Variants in MAGI2 observed in about 807,000 individuals in gnomAD.
MAGI2 encodes the protein membrane-associated guanylate kinase, WW and PDZ domain-containing protein 2.
MAGI2 carries 35 observed loss-of-function variants against 133.3 expected under a neutral mutation model. That is an observed-to-expected ratio of 0.26 (90% CI 0.20 to 0.35). MAGI2 has a LOEUF of 0.35. Among genes scored for constraint, MAGI2 ranks in the 10% least tolerant of loss-of-function variants. The pLI, the probability that MAGI2 is intolerant of heterozygous loss-of-function variation, is 1.00. For synonymous variants in MAGI2, 729 were observed against 710.6 expected, an observed-to-expected ratio of 1.03 and a Z score of -0.41; for missense variants, 1,636 against 1,863.4, an observed-to-expected ratio of 0.88 and a Z score of 2.25.
intron 1 of MAGI2, among the ~76,000 whole-genome samples, chr7:79,136,005 G>A (rs868523717): frequency 3.6e-4 from 30 of 82,418 alleles, no homozygotes; most frequent in African/African-American, 1.5e-3. Context: ...GAAAGAAAGA[G>A]AAAGAAAGAA....
At chr7:79,393,390 G>A (rs1370226647) in intron 1 of MAGI2, among the ~76,000 whole-genome samples, 2 of 152,086 alleles carry the variant, frequency 1.3e-5, no homozygotes. Context: ...TTCATGCAGT[G>A]ATTCATCTGA....
At chr7:79,452,093 G>T (rs527522665) in intron 1 of MAGI2, among the ~76,000 whole-genome samples, 3 of 152,054 alleles carry the variant, frequency 2.0e-5, no homozygotes, top group African/African-American at 7.2e-5. Flanking sequence ...GGCTGGAACC[G>T]GCCAGGGTTT....
At chr7:78,912,005 C>A (rs1049949780) in intron 2 of MAGI2, among the ~76,000 whole-genome samples, 2 of 152,072 alleles carry the variant, frequency 1.3e-5, no homozygotes, top group Admixed American at 6.6e-5. Context: ...CCTTAGCAAA[C>A]TAATGCAGCA....
At chr7:78,246,019 C>T (rs565611230) in intron 10 of MAGI2, among the ~76,000 whole-genome samples, 2 of 152,250 alleles carry the variant, frequency 1.3e-5, no homozygotes, top group South Asian at 4.1e-4. Context: ...GGAGCTGCTA[C>T]CATACCCTAC....
intron 2 of MAGI2, among the ~76,000 whole-genome samples, chr7:78,874,682 ATAGT>A (rs1795285299): frequency 1.3e-5 from 2 of 152,178 alleles, no homozygotes; most frequent in Admixed American, 6.5e-5. Flanking sequence ...GTATCAAATG[ATAGT>A]TAGATAAGAG....
At chr7:78,938,086 G>T (rs1051084338) in intron 2 of MAGI2, among the ~76,000 whole-genome samples, 1 of 152,056 alleles carries the variant, frequency 6.6e-6, no homozygotes, top group Admixed American at 6.6e-5. Context: ...TCTAGAGATG[G>T]TGATGATATT....
intron 7 of MAGI2, among the ~76,000 whole-genome samples, chr7:78,351,176 T>C (rs1164922687): frequency 6.6e-6 from 1 of 152,064 alleles, no homozygotes; most frequent in Non-Finnish European, 1.5e-5. Flanking sequence ...GGAAAGAGGA[T>C]ATATCTCACT....
chr7:78,206,783 T>C (rs1787146499), intron 10 of MAGI2, among the ~76,000 whole-genome samples: 1 of 152,248 alleles, frequency 6.6e-6, no homozygotes, highest in Admixed American at 6.5e-5. Context: ...ATGTATTTCA[T>C]AGGGGATTCT....
chr7:79,320,677 A>G (rs776306879), intron 1 of MAGI2, among the ~76,000 whole-genome samples: 1 of 152,132 alleles, frequency 6.6e-6, no homozygotes, highest in Non-Finnish European at 1.5e-5. Context: ...TTTTGCATAG[A>G]TATTTTGGAA....
chr7:78,075,597 C>T lies in MAGI2; in HGVS notation c.3706+3350G>A, dbSNP rs551088413. Among the ~76,000 whole-genome samples, 137 of 152,070 alleles carry T rather than the reference C, an allele frequency of 9.0e-4. 1 individual carries two copies. The highest frequency in any genetic ancestry group is 3.1e-3 in the African/African-American group (128 of 41,484). ...TTCACCGTGTTAGCCAGGATGGTCT[C>T]GATCTCCTGACCTCGTGATCTGCCC... On this transcript the variant is annotated intron_variant, in intron 21 of 21. Coordinates refer to ENST00000354212, the MANE Select transcript of MAGI2 (RefSeq NM_012301.4).
intron 3 of MAGI2, among the ~76,000 whole-genome samples, chr7:78,555,432 T>C (rs1441828248): frequency 1.3e-5 from 2 of 152,114 alleles, no homozygotes; most frequent in African/African-American, 4.8e-5. Flanking sequence ...ATATGAGATA[T>C]ATGGACACAT....
At chr7:78,902,176 A>G (rs1220297222) in intron 2 of MAGI2, among the ~76,000 whole-genome samples, 1 of 152,148 alleles carries the variant, frequency 6.6e-6, no homozygotes, top group Non-Finnish European at 1.5e-5. Context: ...AAAAAGCTAT[A>G]CTACTTGCTC....
intron 6 of MAGI2, among the ~76,000 whole-genome samples, chr7:78,404,460 C>G (rs1305696319): frequency 6.6e-6 from 1 of 152,032 alleles, no homozygotes; most frequent in Non-Finnish European, 1.5e-5. Flanking sequence ...GGTACTGGTA[C>G]CAAAACAGAC....
chr7:79,064,995 C>T (rs1554347596), intron 1 of MAGI2, among the ~76,000 whole-genome samples: 1 of 152,010 alleles, frequency 6.6e-6, no homozygotes, highest in Non-Finnish European at 1.5e-5. Flanking sequence ...AACCTGGTCT[C>T]CAAACAAACT....
chr7:79,073,002 T>C (rs1423341550), intron 1 of MAGI2, among the ~76,000 whole-genome samples: 3 of 152,072 alleles, frequency 2.0e-5, no homozygotes, highest in Non-Finnish European at 4.4e-5. Flanking sequence ...CAGATTTCTT[T>C]TCTGTAGGAG....
chr7:78,894,362 T>C (rs1447228331), intron 2 of MAGI2, among the ~76,000 whole-genome samples: 1 of 152,030 alleles, frequency 6.6e-6, no homozygotes, highest in Non-Finnish European at 1.5e-5. Context: ...AGATCGCACA[T>C]GGGCGACAAA....
At chr7:78,703,758 G>C (rs1046387731) in intron 2 of MAGI2, among the ~76,000 whole-genome samples, 4 of 151,778 alleles carry the variant, frequency 2.6e-5, no homozygotes, top group African/African-American at 9.7e-5. Flanking sequence ...GCCACCATGG[G>C]TTTATTGATT....
Position 78,019,351 on chromosome 7 carries a change from G to C in MAGI2, c.4332C>G (p.Ser1444Arg), listed in dbSNP as rs1194089182. 1 of 1,517,212 alleles carries C rather than the reference G, an allele frequency of 6.6e-7. No individual in the cohort carries two copies. Among genetic ancestry groups the C allele is most frequent in the Non-Finnish European group, 8.8e-7 (1 of 1,140,980 alleles). 94.0% of individuals were successfully genotyped at this position (1,517,212 alleles called of 1,614,324 possible). A position where few individuals can be genotyped will look rare whatever the true frequency, so the allele number is the denominator to read the frequency against. The change falls in exon 22 of 22, where the codon AGC becomes AGG. Residue 1444 changes from serine to arginine, a missense_variant. This residue lies in a region of MAGI2 where 354 missense variants were observed against 298.7 expected (regional missense o/e 1.19). Coordinates refer to ENST00000354212, the MANE Select transcript of MAGI2 (RefSeq NM_012301.4). ...CGGCCGAGGCGCCGGGTTTGAGGAC[G>C]CTGGGCAGCTTGTCAGAACCCGGCA... is the stretch of plus-strand genomic sequence containing the variant. ...WKVPGSDKLP[S>R]VLKPGASAAS...
At chr7:78,702,937 G>A (rs1818226431) in intron 2 of MAGI2, among the ~76,000 whole-genome samples, 1 of 149,076 alleles carries the variant, frequency 6.7e-6, no homozygotes, top group Non-Finnish European at 1.5e-5. Flanking sequence ...TGACTGTTGA[G>A]TCATGGGTTA....
Sources: gnomAD v4.1 joint callset for allele counts (sites outside exome capture counted in the v4.1 genomes callset) on GRCh38, gnomAD v4.1.1 for gene constraint, gnomAD v4.1.1 regional missense constraint, MANE v1.5 for transcripts, NCBI Gene and HGNC (gene_info 2026-07-23, HGNC 2026-07-21) for gene names.